The following RAB31 variants were observed in gnomAD, a reference collection of about 807,000 sequenced individuals.
RAB31 encodes RAB31, member RAS oncogene family.
A neutral mutation model predicts 25.6 loss-of-function variants in RAB31; 21 were observed. The ratio of observed to expected loss-of-function variants is 0.82; its 90% CI spans 0.58 to 1.18. The LOEUF (loss-of-function observed/expected upper bound fraction) is 1.18, where lower values mean the gene tolerates loss of function less well. Ranked by LOEUF, RAB31 falls within the 50% of genes most tolerant of loss-of-function variation. The pLI, the probability that RAB31 is intolerant of heterozygous loss-of-function variation, is 0.00. For missense variants in RAB31, 196 were observed against 250.1 expected, an observed-to-expected ratio of 0.78 and a Z score of 1.46; for synonymous variants, 87 against 84.0, an observed-to-expected ratio of 1.04 and a Z score of -0.20.
At chr18:9,825,077 G>A (rs2068643315) in intron 5 of RAB31, among the ~76,000 whole-genome samples, 1 of 152,218 alleles carries the variant, frequency 6.6e-6, no homozygotes, top group African/African-American at 2.4e-5. Context: ...ATCTGCTGAT[G>A]CTGGAGTTAG....
intron 2 of RAB31, among the ~76,000 whole-genome samples, chr18:9,775,564 A>G (rs2068368315): frequency 6.7e-6 from 1 of 148,928 alleles, no homozygotes; most frequent in African/African-American, 2.5e-5. Flanking sequence ...TTTTTTTCCT[A>G]GTCAGCCTTC....
At chr18:9,840,101 G>T (rs1053126546) in intron 5 of RAB31, among the ~76,000 whole-genome samples, 4 of 152,194 alleles carry the variant, frequency 2.6e-5, no homozygotes, top group African/African-American at 4.8e-5. Flanking sequence ...TGCTGACATT[G>T]ATGGGCCACG....
intron 1 of RAB31, among the ~76,000 whole-genome samples, chr18:9,718,630 T>G (rs2145456308): frequency 6.6e-6 from 1 of 152,220 alleles, no homozygotes; most frequent in East Asian, 1.9e-4. Flanking sequence ...TTAGTCTTTT[T>G]GGGCTGTTAT....
intron 6 of RAB31, among the ~76,000 whole-genome samples, 175 bp downstream of exon 6, chr18:9,845,866 G>A (rs191690908): frequency 9.8e-4 from 149 of 152,244 alleles, no homozygotes; most frequent in Admixed American, 4.8e-3. Context: ...TTATCCTCTC[G>A]ATTCTAGATT....
At chr18:9,839,974 A>C in intron 5 of RAB31, among the ~76,000 whole-genome samples, 1 of 152,140 alleles carries the variant, frequency 6.6e-6, no homozygotes, top group Admixed American at 6.5e-5. Context: ...GAGGGACTCC[A>C]GCTGGGTTCT....
At position 9,710,854 on chromosome 18, in the gene RAB31, T is replaced by C. The variant is rs2145450488; in HGVS notation, c.39+2410T>C. On this transcript the variant is annotated intron_variant, in intron 1 of 6. Coordinates refer to ENST00000578921, the MANE Select transcript of RAB31 (RefSeq NM_006868.4). ...GTCCGGGCGACAGAGTGAGACTCTA[T>C]CTCAAAGAAAAGAAAACAAAAGAAA... 2.0e-5 allele frequency among the ~76,000 whole-genome samples: 3 copies of C among 151,396 alleles called. No homozygotes were observed. In the Middle Eastern group the frequency reaches 0.01, roughly 529 times the overall value.
chr18:9,726,596 T>C (rs2068097273), intron 1 of RAB31, among the ~76,000 whole-genome samples: 1 of 152,190 alleles, frequency 6.6e-6, no homozygotes, highest in Non-Finnish European at 1.5e-5. Context: ...GGAGTTTAAG[T>C]AGATTGTTTC....
At chr18:9,753,809 T>C (rs1366125679) in intron 1 of RAB31, among the ~76,000 whole-genome samples, 1 of 152,148 alleles carries the variant, frequency 6.6e-6, no homozygotes, top group African/African-American at 2.4e-5. Flanking sequence ...CGATGATACC[T>C]CCCAGAGTCA....
At chr18:9,832,609 C>A (rs1457589396) in intron 5 of RAB31, among the ~76,000 whole-genome samples, 1 of 152,178 alleles carries the variant, frequency 6.6e-6, no homozygotes, top group African/African-American at 2.4e-5. Context: ...GAAGTGCAGA[C>A]CTTCCTGGCC....
At position 9,823,028 on chromosome 18, in the gene RAB31, G is replaced by A. The variant is rs896566880; in HGVS notation, c.380+7806G>A. On this transcript the variant is annotated intron_variant, in intron 5 of 6. Transcript: ENST00000578921. ...ATCAGCCCAGATGTCCTTCAGTTAC[G>A]AATGGCTAAACAAACTGTGGTGCAT... Among the ~76,000 whole-genome samples the A allele has an allele frequency of 3.3e-5, 5 of 152,230 alleles. 1 individual carries two copies. Among genetic ancestry groups the A allele is most frequent in the Admixed American group, 2.6e-4 (4 of 15,284 alleles).
chr18:9,752,255 T>A (rs537118700), intron 1 of RAB31, among the ~76,000 whole-genome samples: 2 of 152,164 alleles, frequency 1.3e-5, no homozygotes, highest in South Asian at 4.2e-4. Flanking sequence ...GATGGAGTCT[T>A]GCTCTGTTGC....
chr18:9,786,695 G>C (rs1284852947), intron 2 of RAB31: 4 of 152,182 alleles, frequency 2.6e-5, no homozygotes, highest in East Asian at 1.9e-4. Flanking sequence ...TGTGAGAACA[G>C]AGGAAAAACA....
chr18:9,716,155 C>CT (rs1157557946), intron 1 of RAB31, among the ~76,000 whole-genome samples: 1 of 152,118 alleles, frequency 6.6e-6, no homozygotes, highest in Admixed American at 6.6e-5. Context: ...AGTTCCCCTT[C>CT]TTTTTTCCCC....
intron 1 of RAB31, among the ~76,000 whole-genome samples, chr18:9,742,707 T>C (rs1435275025): frequency 6.6e-6 from 1 of 152,176 alleles, no homozygotes; most frequent in Non-Finnish European, 1.5e-5. Context: ...CTCTTTGATG[T>C]GGGAAGGAAA....
chr18:9,716,779 C>G (rs577015425), intron 1 of RAB31, among the ~76,000 whole-genome samples: 1 of 152,226 alleles, frequency 6.6e-6, no homozygotes, highest in African/African-American at 2.4e-5. Flanking sequence ...GAGTCTTGCT[C>G]TGTCACCCAG....
intron 1 of RAB31, among the ~76,000 whole-genome samples, chr18:9,730,443 T>C (rs1485429688): frequency 6.6e-6 from 1 of 152,102 alleles, no homozygotes; most frequent in East Asian, 1.9e-4. Flanking sequence ...TGTGCCACCA[T>C]GCCCAGCTAA....
intron 1 of RAB31, among the ~76,000 whole-genome samples, chr18:9,714,966 C>T (rs192354982): frequency 6.6e-6 from 1 of 152,328 alleles, no homozygotes; most frequent in Admixed American, 6.5e-5. Flanking sequence ...AGTTCTTGCT[C>T]CAGGTCTGTC....
rs116590154 is a variant in RAB31, at chr18:9,850,166, A to G, written c.490+4475A>G. 6.2e-3 allele frequency among the ~76,000 whole-genome samples: 941 copies of G among 152,328 alleles called. 9 individuals carry two copies. The highest frequency in any genetic ancestry group is 0.021 in the African/African-American group (891 of 41,568). ...GACAGCGTTACCAAGAGTCATCCCC[A>G]AGTTCTGTTTGCCGGAATGAGGAGG... On this transcript the variant is annotated intron_variant, in intron 6 of 6. Transcript: ENST00000578921.
rs1416128011 is a variant in RAB31 at position 9,708,798 on chromosome 18, G to T, written c.39+354G>T. On this transcript the variant is annotated intron_variant, in intron 1 of 6. Transcript: ENST00000578921. This position sits in a 1 kb window ranked among gnomAD's most constrained non-coding sequence, Gnocchi z 6.4. The stretch of plus-strand genomic sequence containing the variant: ...TCCCGGCCCGCGAGTCCCCGGATCC[G>T]CGGCGACCTCGCGGGGACCCCCAGC... Among the ~76,000 whole-genome samples, 1 of 152,146 alleles carries T rather than the reference G, an allele frequency of 6.6e-6. No homozygotes were observed. Among genetic ancestry groups the T allele is most frequent in the Non-Finnish European group, 1.5e-5 (1 of 68,026 alleles).
Sources: gnomAD v4.1 joint callset for allele counts (sites outside exome capture counted in the v4.1 genomes callset) on GRCh38, gnomAD v4.1.1 for gene constraint, Gnocchi (gnomAD v3.1) non-coding constraint, MANE v1.5 for transcripts, NCBI Gene and HGNC (gene_info 2026-07-23, HGNC 2026-07-21) for gene names.